PRKG1: variants seen among roughly 807,000 people sequenced by gnomAD.
PRKG1 encodes the protein cGMP-dependent protein kinase 1.
PRKG1 carries 35 observed loss-of-function variants against 88.1 expected under a neutral mutation model. The ratio of observed to expected loss-of-function variants is 0.40; its 90% CI spans 0.30 to 0.53. The LOEUF is 0.53. PRKG1 is among the 20% of genes least tolerant of loss of function. The pLI, the probability that PRKG1 is intolerant of heterozygous loss-of-function variation, is 0.59. For synonymous variants in PRKG1, 303 were observed against 292.5 expected (o/e 1.04, Z -0.37); for missense variants, 540 against 839.8 (o/e 0.64, Z 4.41).
chr10:51,681,207 A>AT (rs1381808654), intron 3 of PRKG1, among the ~76,000 whole-genome samples: 2 of 152,170 alleles, frequency 1.3e-5, no homozygotes, highest in African/African-American at 4.8e-5. Context: ...AAATGTATCT[A>AT]TTCAATTTCA....
chr10:51,861,843 G>A (rs1261121035), intron 4 of PRKG1, among the ~76,000 whole-genome samples: 1 of 152,198 alleles, frequency 6.6e-6, no homozygotes, highest in Admixed American at 6.5e-5. Context: ...TTCATGGCAG[G>A]TGGTGCCTCT....
chr10:51,642,562 T>C (rs959865844), intron 3 of PRKG1, among the ~76,000 whole-genome samples: 3 of 152,208 alleles, frequency 2.0e-5, no homozygotes, highest in African/African-American at 7.2e-5. Flanking sequence ...TTTTCAAGAC[T>C]GACTGGTAGA....
intron 7 of PRKG1, among the ~76,000 whole-genome samples, chr10:52,103,483 T>C (rs1417488947): frequency 1.3e-5 from 2 of 152,144 alleles, no homozygotes; most frequent in African/African-American, 4.8e-5. Context: ...ACTTAAGGAA[T>C]TAGTAACTAT....
intron 9 of PRKG1, among the ~76,000 whole-genome samples, chr10:52,198,608 T>A (rs762807229): frequency 6.6e-6 from 1 of 152,104 alleles, no homozygotes; most frequent in Non-Finnish European, 1.5e-5. Context: ...AACAGAAATT[T>A]ATTCTCTCAC....
chr10:51,979,049 G>C (rs1048227135), intron 5 of PRKG1, among the ~76,000 whole-genome samples: 2 of 152,140 alleles, frequency 1.3e-5, no homozygotes, highest in Non-Finnish European at 2.9e-5. Flanking sequence ...GTTTTCAAAG[G>C]GAATGTTTTT....
chr10:51,588,747 G>A (rs559186554), intron 3 of PRKG1, among the ~76,000 whole-genome samples: 174 of 152,296 alleles, frequency 1.1e-3, no homozygotes, highest in Non-Finnish European at 2.0e-3. Context: ...TGGTTATTAA[G>A]AGGATAATCC....
intron 3 of PRKG1, among the ~76,000 whole-genome samples, chr10:51,520,516 C>T (rs1351910135): frequency 1.3e-5 from 2 of 151,946 alleles, no homozygotes; most frequent in Admixed American, 1.3e-4. Flanking sequence ...ATACAGTTAT[C>T]ATCAATGTCT....
chr10:51,141,029 G>A (rs750215003), intron 1 of PRKG1, among the ~76,000 whole-genome samples: 4 of 152,080 alleles, frequency 2.6e-5, no homozygotes, highest in Non-Finnish European at 1.5e-5. Flanking sequence ...AACTCCCTTT[G>A]GATTAATTCT....
intron 2 of PRKG1, among the ~76,000 whole-genome samples, chr10:51,259,170 CTATA>C (rs761422991): frequency 1.3e-5 from 2 of 151,820 alleles, no homozygotes; most frequent in African/African-American, 2.4e-5. Context: ...ATGTGTGTAC[CTATA>C]TATATACACA....
intron 3 of PRKG1, among the ~76,000 whole-genome samples, chr10:51,625,313 TTA>T (rs1386229842): frequency 6.6e-6 from 1 of 151,808 alleles, no homozygotes; most frequent in Non-Finnish European, 1.5e-5. Flanking sequence ...CCCATCTCTA[TTA>T]AAAATACAAA....
chr10:52,069,535 CA>C (rs574862259), intron 7 of PRKG1, among the ~76,000 whole-genome samples: 1 of 151,354 alleles, frequency 6.6e-6, no homozygotes, highest in East Asian at 1.9e-4. Flanking sequence ...ATCTCAAAAA[CA>C]AAAAAGAAAA....
chr10:51,416,463 T>A (rs572917325), intron 2 of PRKG1, among the ~76,000 whole-genome samples: 2 of 152,302 alleles, frequency 1.3e-5, no homozygotes, highest in South Asian at 2.1e-4. Flanking sequence ...TTATTAAAGA[T>A]CCGAAATAGT....
chr10:51,287,401 C>T (rs952105788), intron 2 of PRKG1, among the ~76,000 whole-genome samples: 1 of 152,274 alleles, frequency 6.6e-6, no homozygotes, highest in African/African-American at 2.4e-5. Context: ...ATTTTTGGCT[C>T]TCAATAATTT....
In PRKG1 at chr10:51,340,057, G is replaced by A. The variant is rs562827600; in HGVS notation, c.479-127666G>A. Among the ~76,000 whole-genome samples the A allele has an allele frequency of 1.5e-4, 23 of 152,174 alleles. No homozygotes were observed. In the South Asian group the frequency reaches 3.3e-3, roughly 22 times the overall value. On this transcript the variant is annotated intron_variant, in intron 2 of 17. Coordinates refer to ENST00000373980, the MANE Select transcript of PRKG1 (RefSeq NM_006258.4). ...GATGGAATAAAAGCCTCTGCTAGTG[G>A]ATCTCAGCTTTATAACCATTTTATA...
At chr10:52,250,157 C>T (rs1841137245) in intron 9 of PRKG1, among the ~76,000 whole-genome samples, 1 of 152,156 alleles carries the variant, frequency 6.6e-6, no homozygotes, top group Admixed American at 6.5e-5. Context: ...AAACCATCTC[C>T]CGGATCACTA....
chr10:51,677,686 T>A (rs1391390925), intron 3 of PRKG1, among the ~76,000 whole-genome samples: 1 of 152,172 alleles, frequency 6.6e-6, no homozygotes. Flanking sequence ...GTTGCCACAA[T>A]GTCCAAAGAT....
chr10:51,524,666 T>G (rs371156166), intron 3 of PRKG1, among the ~76,000 whole-genome samples: 4 of 152,344 alleles, frequency 2.6e-5, no homozygotes, highest in Admixed American at 1.3e-4. Context: ...CACAATTCCA[T>G]TCTGCCATTT....
chr10:51,866,749 T>G (rs1841023903), intron 4 of PRKG1, among the ~76,000 whole-genome samples: 5 of 152,172 alleles, frequency 3.3e-5, no homozygotes, highest in Admixed American at 3.3e-4. Flanking sequence ...TTCAAAGAAC[T>G]TGGTGTCAGT....
chr10:51,916,210 C>T (rs1842335615), intron 5 of PRKG1, among the ~76,000 whole-genome samples: 1 of 152,142 alleles, frequency 6.6e-6, no homozygotes, highest in Admixed American at 6.5e-5. Context: ...AGGAAGTCAG[C>T]ACAAGATGCA....
Sources: gnomAD v4.1 joint callset for allele counts (sites outside exome capture counted in the v4.1 genomes callset) on GRCh38, gnomAD v4.1.1 for gene constraint, MANE v1.5 for transcripts, NCBI Gene and HGNC (gene_info 2026-07-23, HGNC 2026-07-21) for gene names.